The following TACC2 variants were observed in gnomAD, a reference collection of about 807,000 sequenced individuals.
TACC2 encodes transforming acidic coiled-coil containing protein 2.
TACC2 carries 137 observed loss-of-function variants against 227.3 expected under a neutral mutation model. The observed-to-expected ratio is 0.60, with a 90% CI of 0.52 to 0.69. The LOEUF (loss-of-function observed/expected upper bound fraction) is 0.69. TACC2 is among the 30% of genes least tolerant of loss of function. The probability of loss-of-function intolerance (pLI) is 0.00; values close to 1 mark genes in which losing one functional copy is unlikely to be tolerated. For synonymous variants in TACC2, 1,523 were observed against 1,487.5 expected, an observed-to-expected ratio of 1.02 and a Z score of -0.55; for missense variants, 3,470 against 3,694.4, an observed-to-expected ratio of 0.94 and a Z score of 1.57.
At chr10:122,215,342 T>C (rs2141110344) in intron 9 of TACC2, 49 bp from the exon 10 acceptor site, 1 of 1,541,670 alleles carries the variant, frequency 6.5e-7, no homozygotes. Flanking sequence ...TGCTCTGGAG[T>C]GTTCCGTCCC....
intron 11 of TACC2, among the ~76,000 whole-genome samples, chr10:122,219,509 A>C (rs1274292754): frequency 6.6e-6 from 1 of 152,208 alleles, no homozygotes; most frequent in African/African-American, 2.4e-5. Flanking sequence ...ATGGTAACAC[A>C]AGGTCAGGCA....
chr10:122,177,655 TG>T (rs1357906175), intron 7 of TACC2, among the ~76,000 whole-genome samples: 2 of 152,044 alleles, frequency 1.3e-5, no homozygotes, highest in Non-Finnish European at 2.9e-5. Flanking sequence ...AGAATGAAGC[TG>T]GGGAGGAGAT....
At position 122,205,835 on chromosome 10, in the gene TACC2, A is replaced by G. The variant is rs1304432630; in HGVS notation, c.5972-4562A>G. ...TTGCTCTGAGCTACCCACAGCAACC[A>G]GCAAACTGCCACAGAAAGACCAAGT... On this transcript the variant is annotated intron_variant, in intron 8 of 22. Coordinates refer to ENST00000369005, the MANE Select transcript of TACC2 (RefSeq NM_206862.4). The surrounding 1 kb of genome is among the most constrained non-coding windows in gnomAD (Gnocchi z 4.5). Among the ~76,000 whole-genome samples the G allele has an allele frequency of 6.6e-6, 1 of 152,238 alleles. No homozygotes were observed. The highest frequency in any genetic ancestry group is 6.5e-5 in the Admixed American group (1 of 15,282).
chr10:122,215,894 T>G (rs1014587236), intron 10 of TACC2, among the ~76,000 whole-genome samples: 1 of 152,214 alleles, frequency 6.6e-6, no homozygotes, highest in Admixed American at 6.5e-5. Context: ...GGGCTTAGGT[T>G]CTGTCTTGAT....
At chr10:121,994,699 G>C (rs1008643574) in intron 1 of TACC2, 2 of 152,754 alleles carry the variant, frequency 1.3e-5, no homozygotes, top group Non-Finnish European at 2.9e-5. Context: ...CTCCACGCTG[G>C]GGGGATCCTG....
chr10:122,115,679 G>A lies in TACC2; in HGVS notation c.5574-16930G>A, dbSNP rs567171092. 7.2e-5 allele frequency among the ~76,000 whole-genome samples: 11 copies of A among 152,314 alleles called. No homozygotes were observed. The East Asian group carries it at 7.7e-4, about 11-fold the overall frequency. On this transcript the variant is annotated intron_variant, in intron 5 of 22. Coordinates refer to ENST00000369005, the MANE Select transcript of TACC2 (RefSeq NM_206862.4). The stretch of plus-strand genomic sequence containing the variant: ...GCTTGCCCAGCTCTGGGCTGTAAGC[G>A]TAGATGAGACTGGAAGAGAATGAGG...
At chr10:122,228,120 G>C (rs893258701) in intron 14 of TACC2, 112 bp downstream of exon 14, 26 of 1,164,266 alleles carry the variant, frequency 2.2e-5, no homozygotes, top group Non-Finnish European at 3.1e-5. Flanking sequence ...ACCTGCCATG[G>C]GTCCCACCCT....
intron 3 of TACC2, chr10:122,051,069 C>CT (rs976507568): frequency 8.4e-5 from 13 of 153,854 alleles, no homozygotes; most frequent in South Asian, 2.0e-4. Flanking sequence ...CAGTCACTTC[C>CT]TTTTTTTTGA....
rs560163519 is a variant in TACC2 at position 122,235,383 on chromosome 10, C to T, written c.8128-2012C>T. 4.6e-5 allele frequency among the ~76,000 whole-genome samples: 7 copies of T among 152,214 alleles called. No homozygotes were observed. The East Asian group carries it at 5.8e-4, about 13-fold the overall frequency. On this transcript the variant is annotated intron_variant, in intron 16 of 22. Transcript: ENST00000369005. ...GATTACAGGTGTGAGCCACTGCAAC[C>T]GGCCCCCAATTTTTTTTTATTAAAA...
At chr10:121,999,499 C>T (rs1401406306) in intron 1 of TACC2, among the ~76,000 whole-genome samples, 1 of 152,258 alleles carries the variant, frequency 6.6e-6, no homozygotes. Context: ...TGGTCACAAG[C>T]TCATCGCCAC....
At chr10:122,137,918 C>T (rs1274359336) in intron 6 of TACC2, among the ~76,000 whole-genome samples, 2 of 152,228 alleles carry the variant, frequency 1.3e-5, no homozygotes, top group African/African-American at 2.4e-5. Context: ...GCTGAAGTTT[C>T]TGATCTCTGA....
intron 18 of TACC2, 35 bp from the exon 19 acceptor site, chr10:122,241,923 G>T: frequency 6.2e-7 from 1 of 1,607,254 alleles, no homozygotes; most frequent in Non-Finnish European, 8.5e-7. Context: ...CCATTCTGTT[G>T]TCATGACTCC....
intron 7 of TACC2, chr10:122,163,586 G>A: frequency 2.0e-6 from 2 of 1,002,606 alleles, no homozygotes; most frequent in South Asian, 9.3e-5. Flanking sequence ...ACAGGAGCCG[G>A]CTGCCGGGGG....
At chr10:122,008,249 A>ATTG (rs35440160) in intron 1 of TACC2, among the ~76,000 whole-genome samples, 54,740 of 123,490 alleles carry the variant, frequency 0.44, 10,981 homozygotes, top group South Asian at 0.66. Context: ...TCCCTTTGTT[A>ATTG]TTATTATTAT....
chr10:122,000,876 G>A (rs944230136), intron 1 of TACC2, among the ~76,000 whole-genome samples: 5 of 152,212 alleles, frequency 3.3e-5, no homozygotes, highest in African/African-American at 1.2e-4. Flanking sequence ...AGGCTGGAGT[G>A]TAGTCATGTG....
At chr10:122,092,448 G>A (rs2080927978) in intron 5 of TACC2, among the ~76,000 whole-genome samples, 1 of 152,186 alleles carries the variant, frequency 6.6e-6, no homozygotes, top group Admixed American at 6.5e-5. Flanking sequence ...CAGGTGACAT[G>A]CTTCTGTGGA....
intron 2 of TACC2, among the ~76,000 whole-genome samples, chr10:122,035,104 C>T (rs1012301089): frequency 1.3e-5 from 2 of 152,160 alleles, no homozygotes; most frequent in African/African-American, 2.4e-5. Context: ...CTAGTCCAGG[C>T]TCCTACGGGT....
chr10:122,216,948 T>G, intron 11 of TACC2, 120 bp downstream of exon 11: 1 of 1,564,630 alleles, frequency 6.4e-7, no homozygotes, highest in African/African-American at 1.4e-5. Flanking sequence ...CATTGTGAGA[T>G]CGTCTGCACG....
intron 2 of TACC2, among the ~76,000 whole-genome samples, chr10:122,029,957 G>A (rs11200351): frequency 0.15 from 22,356 of 150,880 alleles, 2,068 homozygotes; most frequent in Admixed American, 0.22. Flanking sequence ...TGCTTCAGGG[G>A]ACATTTAGCA....
Sources: gnomAD v4.1 joint callset for allele counts (sites outside exome capture counted in the v4.1 genomes callset) on GRCh38, gnomAD v4.1.1 for gene constraint, Gnocchi (gnomAD v3.1) non-coding constraint, MANE v1.5 for transcripts, NCBI Gene and HGNC (gene_info 2026-07-23, HGNC 2026-07-21) for gene names.